The following KIFC3 variants were observed in gnomAD, a reference collection of about 807,000 sequenced individuals.
KIFC3 encodes kinesin family member C3.
A neutral mutation model predicts 101.8 loss-of-function variants in KIFC3; 60 were observed. That is an observed-to-expected ratio of 0.59 (90% CI 0.48 to 0.73). The LOEUF (loss-of-function observed/expected upper bound fraction) is 0.73, where lower values mean the gene tolerates loss of function less well. KIFC3 is among the 30% of genes least tolerant of loss of function. The probability of loss-of-function intolerance (pLI) is 0.00; values close to 1 mark genes in which losing one functional copy is unlikely to be tolerated. For missense variants in KIFC3, 966 were observed against 1,137.1 expected, an observed-to-expected ratio of 0.85 and a Z score of 2.16; for synonymous variants, 476 against 482.7, an observed-to-expected ratio of 0.99 and a Z score of 0.18.
intron 3 of KIFC3, chr16:57,774,804 G>T: frequency 8.8e-7 from 1 of 1,133,748 alleles, no homozygotes. Flanking sequence ...TGGGATTACC[G>T]TTGTGAGCCC....
intron 11 of KIFC3, 28 bp from the exon 12 acceptor site, chr16:57,764,275 T>TGGGGGGGGGGGGGGG: frequency 1.5e-5 from 8 of 539,860 alleles, no homozygotes; most frequent in East Asian, 9.2e-5. Context: ...GGGAGGCTGG[T>TGGGGGGGGGGGGGGG]GGGGGGGCTT....
intron 3 of KIFC3, among the ~76,000 whole-genome samples, chr16:57,783,425 A>G (rs2052955226): frequency 6.6e-6 from 1 of 150,994 alleles, no homozygotes; most frequent in Non-Finnish European, 1.5e-5. Flanking sequence ...TCAAGGGGAG[A>G]ATTTTATGGC....
intron 1 of KIFC3, among the ~76,000 whole-genome samples, chr16:57,812,274 C>T (rs2055102933): frequency 6.6e-6 from 1 of 151,626 alleles, no homozygotes; most frequent in Non-Finnish European, 1.5e-5. Flanking sequence ...GATCTCCTGA[C>T]CTCATGATCT....
intron 3 of KIFC3, among the ~76,000 whole-genome samples, chr16:57,792,011 C>T (rs1471950193): frequency 6.6e-6 from 1 of 152,208 alleles, no homozygotes; most frequent in South Asian, 2.1e-4. Flanking sequence ...GGACAACAAG[C>T]TACCCGGGCC....
At chr16:57,847,760 TTGTGTGTGTGTGTG>T (rs35081728) in intron 1 of KIFC3, among the ~76,000 whole-genome samples, 36 of 139,788 alleles carry the variant, frequency 2.6e-4, no homozygotes, top group Admixed American at 5.1e-4. Flanking sequence ...CCAGATGAAT[TTGTGTGTGTGTGTG>T]TGTGTGTGTG....
At position 57,840,802 on chromosome 16, in the gene KIFC3, T is replaced by G. The variant is rs1180950431; in HGVS notation, c.108+21927A>C. On this transcript the variant is annotated intron_variant, in intron 1 of 2. Coordinates refer to the KIFC3 transcript ENST00000563028. ...AAGTTAAAATAAACCTAGCACAGGT[T>G]CTCTCCCTCCTCACCCCAGCTGTCA... Among the ~76,000 whole-genome samples, 14 of 151,700 alleles carry G rather than the reference T, an allele frequency of 9.2e-5. 1 individual carries two copies. Among genetic ancestry groups the G allele is most frequent in the Admixed American group, 9.2e-4 (14 of 15,214 alleles).
chr16:57,758,230 C>CTTCTT lies in KIFC3; in HGVS notation c.*699_*703dup, dbSNP rs1372452965. On this transcript the variant is annotated 3_prime_UTR_variant, in exon 20 of 20. Coordinates refer to ENST00000445690, the MANE Select transcript of KIFC3 (RefSeq NM_001130100.2). ...TTCAGACCATACTTGTGTAAAAAGG[C>CTTCTT]TTCTTTTATTTTAATAAGTAAAAAT... is the stretch of plus-strand genomic sequence containing the variant. 5 of 227,490 alleles carry CTTCTT rather than the reference C, an allele frequency of 2.2e-5. No homozygotes were observed. The highest frequency in any genetic ancestry group is 1.1e-4 in the South Asian group (2 of 18,858). 14.1% of individuals were successfully genotyped at this position (227,490 alleles called of 1,614,324 possible).
intron 1 of KIFC3, among the ~76,000 whole-genome samples, chr16:57,830,035 C>G (rs1465086864): frequency 6.6e-6 from 1 of 152,134 alleles, no homozygotes; most frequent in Non-Finnish European, 1.5e-5. Context: ...AGCTTTTCTT[C>G]TTTGCCTGAA....
At chr16:57,771,715 A>G (rs1555608768) in intron 4 of KIFC3, 29 bp from the exon 5 acceptor site, 2 of 1,599,570 alleles carry the variant, frequency 1.3e-6, no homozygotes, top group Admixed American at 3.4e-5. Flanking sequence ...GAGGGGGCGC[A>G]TGTGGCGAGG....
chr16:57,772,474 G>T, intron 3 of KIFC3, 186 bp from the exon 4 acceptor site: 1 of 542,770 alleles, frequency 1.8e-6, no homozygotes, highest in Non-Finnish European at 3.3e-6. Flanking sequence ...ACCTGGGCTG[G>T]TGCTGACAGC....
At chr16:57,783,045 G>A (rs751694099) in intron 3 of KIFC3, among the ~76,000 whole-genome samples, 6 of 152,200 alleles carry the variant, frequency 3.9e-5, no homozygotes, top group East Asian at 1.9e-4. Flanking sequence ...GGGTAAGCTC[G>A]GGGGTTCTCC....
Position 57,758,493 on chromosome 16 carries a change from C to A in KIFC3, c.*441G>T. 2.3e-6 allele frequency: 1 copy of A among 441,152 alleles called. No homozygotes were observed. The allele number at this position is 441,152 out of a possible 1,614,324, so 27.3% of individuals were successfully genotyped here. ...CTGCCATTGGTGCCACCAACCCACC[C>A]CAGTCCCCATGGTTCTTGGGTCTGC... On this transcript the variant is annotated 3_prime_UTR_variant, in exon 20 of 20. Transcript: ENST00000445690.
upstream of KIFC3, chr16:57,803,068 G>A: frequency 6.5e-7 from 1 of 1,533,548 alleles, no homozygotes. Flanking sequence ...CCTACTCGCT[G>A]GCCAGGCCGC....
intron 1 of KIFC3, among the ~76,000 whole-genome samples, chr16:57,825,481 C>T (rs1389326414): frequency 6.6e-6 from 1 of 152,172 alleles, no homozygotes; most frequent in Non-Finnish European, 1.5e-5. Context: ...TCCATTTAAC[C>T]CCTGAGGCCA....
chr16:57,834,100 G>C (rs2055640101), intron 1 of KIFC3, among the ~76,000 whole-genome samples: 1 of 152,024 alleles, frequency 6.6e-6, no homozygotes, highest in Non-Finnish European at 1.5e-5. Flanking sequence ...CTGACCTCAT[G>C]ATCTGCCCGC....
intron 1 of KIFC3, among the ~76,000 whole-genome samples, chr16:57,861,083 C>T (rs547348372): frequency 4.8e-4 from 73 of 152,186 alleles, no homozygotes; most frequent in Non-Finnish European, 9.1e-4. Flanking sequence ...ATTACAAAGA[C>T]TTTTGATCAG....
At chr16:57,862,529 A>G (rs1230053986) in intron 1 of KIFC3, among the ~76,000 whole-genome samples, 2 of 152,216 alleles carry the variant, frequency 1.3e-5, no homozygotes, top group African/African-American at 4.8e-5. Flanking sequence ...TTCAAGTAAT[A>G]TGTGTATTCA....
chr16:57,809,876 A>C (rs1010127593), intron 1 of KIFC3, among the ~76,000 whole-genome samples: 2 of 152,146 alleles, frequency 1.3e-5, no homozygotes, highest in Non-Finnish European at 2.9e-5. Context: ...ATATATAAAG[A>C]TATCTGAGCG....
chr16:57,851,077 C>G (rs1280287780), intron 1 of KIFC3, among the ~76,000 whole-genome samples: 1 of 151,718 alleles, frequency 6.6e-6, no homozygotes, highest in African/African-American at 2.4e-5. Flanking sequence ...GTTGTGTGAT[C>G]ACCGCTCACT....
Sources: gnomAD v4.1 joint callset for allele counts (sites outside exome capture counted in the v4.1 genomes callset) on GRCh38, gnomAD v4.1.1 for gene constraint, MANE v1.5 for transcripts, NCBI Gene and HGNC (gene_info 2026-07-23, HGNC 2026-07-21) for gene names.